C14orf132: variants seen among roughly 807,000 people sequenced by gnomAD.
The protein encoded by C14orf132 is chromosome 14 open reading frame 132.
Under a neutral mutation model 5.8 loss-of-function variants are expected in C14orf132, and 6 were observed. That is an observed-to-expected ratio of 1.03 (90% CI 0.57 to 2.04). The LOEUF is 2.04. C14orf132 is among the 30% of genes most tolerant of loss of function. The pLI is 0.00. For missense variants in C14orf132, 125 were observed against 115.8 expected (o/e 1.08, Z -0.37); for synonymous variants, 51 against 49.8 (o/e 1.02, Z -0.10).
rs1888194750 is a variant in C14orf132 at position 96,086,580 on chromosome 14, A to C, written c.97A>C (p.Asn33His). ...EDFSTEYSLF[N>H]SSANVHAAAN... is the part of the protein sequence containing the mutation. ...CTTCAGCACCGAGTACTCCCTGTTT[A>C]ACTCCTCTGCCAATGTCCACGCGGC... Residue 33 changes from asparagine to histidine, a missense_variant, in exon 2 of 2, where the codon AAC becomes CAC. Transcript: ENST00000555004. The C allele has an allele frequency of 5.2e-6, 8 of 1,535,926 alleles. No individual in the cohort carries two copies. In the South Asian group the frequency reaches 8.3e-5, roughly 16 times the overall value.
At chr14:96,080,715 C>T (rs919378542) in intron 1 of C14orf132, among the ~76,000 whole-genome samples, 4 of 152,206 alleles carry the variant, frequency 2.6e-5, no homozygotes, top group African/African-American at 9.7e-5. Context: ...GCAGGGCCCT[C>T]TGAGGCCCCT....
At chr14:96,050,100 T>C (rs1340536056) in intron 1 of C14orf132, among the ~76,000 whole-genome samples, 2 of 152,204 alleles carry the variant, frequency 1.3e-5, no homozygotes, top group Non-Finnish European at 2.9e-5. Context: ...ATTGATTGCC[T>C]TTTCTCCTCA....
At chr14:96,054,191 G>A (rs12433537) in intron 1 of C14orf132, among the ~76,000 whole-genome samples, 1,865 of 152,216 alleles carry the variant, frequency 0.012, 26 homozygotes, top group Admixed American at 0.036. Flanking sequence ...TGAGTCACCC[G>A]TTGTGTCTGT....
intron 1 of C14orf132, among the ~76,000 whole-genome samples, chr14:96,053,875 G>A (rs1298160499): frequency 6.6e-6 from 1 of 152,156 alleles, no homozygotes; most frequent in Non-Finnish European, 1.5e-5. Context: ...TCAAGCCATA[G>A]CCCCCAGCAG....
At position 96,064,363 on chromosome 14, in the gene C14orf132, TACAC is replaced by T. The variant is rs148402921; in HGVS notation, c.28-22120_28-22117del. On this transcript the variant is annotated intron_variant, in intron 1 of 1. Coordinates refer to ENST00000555004, the MANE Select transcript of C14orf132 (RefSeq NM_001252507.3). Reference sequence around the variant, plus strand: ...GGATAAAGAAACTAGGGTGCATATATACACACACACACACACACACACACACACA... The same window carrying T: ...GGATAAAGAAACTAGGGTGCATATATACACACACACACACACACACACACA... Among the ~76,000 whole-genome samples the T allele has an allele frequency of 4.0e-4, 55 of 135,872 alleles. 2 individuals carry two copies. Among genetic ancestry groups the T allele is most frequent in the East Asian group, 1.3e-3 (6 of 4,750 alleles). 89.1% of individuals were successfully genotyped at this position (135,872 alleles called of 152,430 possible).
intron 1 of C14orf132, among the ~76,000 whole-genome samples, chr14:96,041,162 G>A (rs1886684738): frequency 6.6e-6 from 1 of 152,188 alleles, no homozygotes; most frequent in African/African-American, 2.4e-5. Flanking sequence ...TACATGCGCA[G>A]TACTGTGCTA....
Position 96,053,903 on chromosome 14 carries a change from C to T in C14orf132, c.27+14376C>T, listed in dbSNP as rs115887734. 2.7e-3 allele frequency among the ~76,000 whole-genome samples: 413 copies of T among 152,300 alleles called. 2 individuals are homozygous for T. Among genetic ancestry groups the T allele is most frequent in the African/African-American group, 9.1e-3 (379 of 41,562 alleles). ...CCCAGCAGAACACTAAAGCGTCTGT[C>T]GCATCTCTCTCTTTACCCATCTGTC... On this transcript the variant is annotated intron_variant, in intron 1 of 1. Transcript: ENST00000555004.
intron 1 of C14orf132, among the ~76,000 whole-genome samples, chr14:96,085,773 A>T (rs938912746): frequency 2.0e-4 from 31 of 152,228 alleles, no homozygotes; most frequent in African/African-American, 7.2e-4. Flanking sequence ...AAGGATGTTG[A>T]TCAGTGCATC....
chr14:96,072,598 A>G lies in C14orf132; in HGVS notation c.28-13913A>G, dbSNP rs562584283. Among the ~76,000 whole-genome samples, 7 of 152,338 alleles carry G rather than the reference A, an allele frequency of 4.6e-5. No individual in the cohort carries two copies. The East Asian group carries it at 9.6e-4, about 21-fold the overall frequency. On this transcript the variant is annotated intron_variant, in intron 1 of 1. Coordinates refer to ENST00000555004, the MANE Select transcript of C14orf132 (RefSeq NM_001252507.3). ...ACAGAACCCTGTGACCATGACCACA[A>G]TAAAAATTTAGAACTTTCCATCACT... is the stretch of plus-strand genomic sequence containing the variant.
chr14:96,089,683 C>G lies in C14orf132; in HGVS notation c.*2948C>G, dbSNP rs750300878. 6.6e-6 allele frequency: 1 copy of G among 152,266 alleles called. No individual in the cohort carries two copies. The highest frequency in any genetic ancestry group is 2.4e-5 in the African/African-American group (1 of 41,436). 9.4% of individuals were successfully genotyped at this position (152,266 alleles called of 1,614,324 possible). A position where few individuals can be genotyped will look rare whatever the true frequency, so the allele number is the denominator to read the frequency against. ...CTCTCTGCCCAGATTTCAGGGGTGCCGGTCCCCAAGGCCTGCCCCCTTCTT... is the reference window on the plus strand; with the variant it reads ...CTCTCTGCCCAGATTTCAGGGGTGCGGGTCCCCAAGGCCTGCCCCCTTCTT... On this transcript the variant is annotated 3_prime_UTR_variant, in exon 2 of 2. Coordinates refer to ENST00000555004, the MANE Select transcript of C14orf132 (RefSeq NM_001252507.3).
At chr14:96,065,015 C>A (rs1040183454) in intron 1 of C14orf132, among the ~76,000 whole-genome samples, 3 of 152,130 alleles carry the variant, frequency 2.0e-5, no homozygotes, top group Non-Finnish European at 4.4e-5. Flanking sequence ...CTTCCTAACC[C>A]AGTGTGCTGT....
intron 1 of C14orf132, among the ~76,000 whole-genome samples, chr14:96,043,931 T>C (rs1886763350): frequency 6.6e-6 from 1 of 152,124 alleles, no homozygotes; most frequent in African/African-American, 2.4e-5. Context: ...AAACCTGTAG[T>C]TGAGGTGGGT....
chr14:96,083,905 G>A (rs937769476), intron 1 of C14orf132, among the ~76,000 whole-genome samples: 1 of 152,206 alleles, frequency 6.6e-6, no homozygotes, highest in Non-Finnish European at 1.5e-5. Flanking sequence ...TGACCCGTTT[G>A]GCAGGAATGT....
In C14orf132 at chr14:96,086,989, G is replaced by A. The variant is rs1888216167; in HGVS notation, c.*254G>A. On this transcript the variant is annotated 3_prime_UTR_variant, in exon 2 of 2. Transcript: ENST00000555004. ...GCAAGGCCTTCAGAGGGCAGATTGG[G>A]GATCCTTGAAACTACATTCCAGGAA... 1 of 534,800 alleles carries A rather than the reference G, an allele frequency of 1.9e-6. No homozygotes were observed. The highest frequency in any genetic ancestry group is 3.3e-6 in the Non-Finnish European group (1 of 300,546). 33.1% of individuals were successfully genotyped at this position (534,800 alleles called of 1,614,324 possible).
intron 1 of C14orf132, among the ~76,000 whole-genome samples, chr14:96,045,870 G>C (rs1439153509): frequency 6.6e-6 from 1 of 152,234 alleles, no homozygotes; most frequent in Non-Finnish European, 1.5e-5. Flanking sequence ...TAGACAGTTT[G>C]TTTTTGCCCG....
intron 1 of C14orf132, among the ~76,000 whole-genome samples, chr14:96,052,511 C>T (rs1229281480): frequency 2.6e-5 from 4 of 152,268 alleles, no homozygotes; most frequent in Non-Finnish European, 1.5e-5. Context: ...AGGATTGCTG[C>T]TGCCCAGCCC....
At chr14:96,069,551 C>T (rs1887644085) in intron 1 of C14orf132, among the ~76,000 whole-genome samples, 1 of 152,086 alleles carries the variant, frequency 6.6e-6, no homozygotes, top group Admixed American at 6.5e-5. Flanking sequence ...ATGGGATGTG[C>T]ATGAAGCTGG....
intron 1 of C14orf132, among the ~76,000 whole-genome samples, chr14:96,052,554 A>G (rs34285001): frequency 0.061 from 9,272 of 152,288 alleles, 386 homozygotes; most frequent in East Asian, 0.15. Flanking sequence ...TCATAAACCA[A>G]TCAAGGAAGA....
chr14:96,086,562 A>C lies in C14orf132; in HGVS notation c.79A>C (p.Thr27Pro), dbSNP rs1450839328. Residue 27 changes from threonine (T) to proline (P), a missense_variant, in exon 2 of 2, where the codon ACC becomes CCC. Coordinates refer to ENST00000555004, the MANE Select transcript of C14orf132 (RefSeq NM_001252507.3). ...GGACTCGCCCAACGAGGACTTCAGC[A>C]CCGAGTACTCCCTGTTTAACTCCTC... Reference protein sequence around the residue: ...FMDSPNEDFSTEYSLFNSSAN... With the variant: ...FMDSPNEDFSPEYSLFNSSAN... The C allele has an allele frequency of 1.3e-6, 2 of 1,536,092 alleles. No individual in the cohort carries two copies. Among genetic ancestry groups the C allele is most frequent in the Non-Finnish European group, 8.7e-7 (1 of 1,146,898 alleles).
Sources: gnomAD v4.1 joint callset for allele counts (sites outside exome capture counted in the v4.1 genomes callset) on GRCh38, gnomAD v4.1.1 for gene constraint, MANE v1.5 for transcripts, NCBI Gene and HGNC (gene_info 2026-07-23, HGNC 2026-07-21) for gene names.